ITPK1: variants seen among roughly 807,000 people sequenced by gnomAD.
The protein encoded by ITPK1 is inositol 1,3,4-trisphosphate 5/6-kinase.
ITPK1 carries 21 observed loss-of-function variants against 45.3 expected under a neutral mutation model. That is an observed-to-expected ratio of 0.46 (90% CI 0.33 to 0.67). ITPK1 has a LOEUF of 0.67. Ranked by LOEUF, ITPK1 falls within the 30% of genes least tolerant of loss-of-function variation. ITPK1 has a pLI of 0.02. For missense variants in ITPK1, 474 were observed against 573.5 expected (o/e 0.83, Z 1.77); for synonymous variants, 258 against 253.6 (o/e 1.02, Z -0.16).
chr14:93,010,361 A>G (rs1247019790), intron 4 of ITPK1, among the ~76,000 whole-genome samples: 1 of 152,200 alleles, frequency 6.6e-6, no homozygotes, highest in Non-Finnish European at 1.5e-5. Flanking sequence ...GTTTGATTCA[A>G]TGCAGCTGTG....
chr14:93,106,158 C>A (rs1190148992), intron 2 of ITPK1, among the ~76,000 whole-genome samples: 2 of 152,006 alleles, frequency 1.3e-5, no homozygotes, highest in Admixed American at 1.3e-4. Context: ...AGCTGACCCA[C>A]CCACTACCAC....
chr14:93,070,836 C>T (rs530176692), intron 3 of ITPK1: 1 of 153,954 alleles, frequency 6.5e-6, no homozygotes, highest in Non-Finnish European at 1.5e-5. Flanking sequence ...CTGCATGTTA[C>T]TGCGTCCCAT....
intron 3 of ITPK1, among the ~76,000 whole-genome samples, chr14:93,046,249 C>T (rs1380933528): frequency 6.6e-6 from 1 of 152,226 alleles, no homozygotes; most frequent in Admixed American, 6.5e-5. Flanking sequence ...CACTCACAGA[C>T]ACTTGGCTGA....
chr14:93,088,937 C>T (rs752383346), intron 2 of ITPK1, among the ~76,000 whole-genome samples: 15 of 152,202 alleles, frequency 9.9e-5, no homozygotes, highest in Non-Finnish European at 1.5e-4. Context: ...CACCCAGGCC[C>T]GCTCTCCCCA....
Position 92,941,949 on chromosome 14 carries a change from A to G in ITPK1, c.902-45T>C, listed in dbSNP as rs530223451. ...AGCACAAGGGGCGTGAGCCAGGGGC[A>G]CGCATCATGCAGGGAGGAGGAGGAG... On this transcript the variant is annotated intron_variant, in intron 10 of 10. Transcript: ENST00000267615. 4.8e-5 allele frequency: 75 copies of G among 1,556,568 alleles called. No individual in the cohort carries two copies. The East Asian group carries it at 1.6e-3, about 33-fold the overall frequency.
intron 3 of ITPK1, chr14:93,066,326 GTGTGTGTGTGTGTGTA>G (rs1566766185): frequency 5.7e-5 from 25 of 442,230 alleles, no homozygotes; most frequent in Non-Finnish European, 1.1e-4. Context: ...GTGTATGTGT[GTGTGTGTGTGTGTGTA>G]GGGGGCAGAG....
intron 5 of ITPK1, among the ~76,000 whole-genome samples, chr14:92,963,144 A>AC (rs1309308964): frequency 6.6e-6 from 1 of 152,128 alleles, no homozygotes; most frequent in Non-Finnish European, 1.5e-5. Context: ...TACAACTACT[A>AC]CCCCACCACT....
At chr14:92,986,721 C>T (rs1886501903) in intron 5 of ITPK1, among the ~76,000 whole-genome samples, 1 of 152,094 alleles carries the variant, frequency 6.6e-6, no homozygotes, top group Non-Finnish European at 1.5e-5. Context: ...GGAGCGGGTC[C>T]CTGCCATGGT....
chr14:93,111,131 C>T (rs1892734677), intron 2 of ITPK1, among the ~76,000 whole-genome samples: 2 of 152,144 alleles, frequency 1.3e-5, no homozygotes, highest in South Asian at 2.1e-4. Flanking sequence ...GCAATTATTA[C>T]AGTAAAGACA....
At chr14:93,028,912 C>T (rs1888891190) in intron 3 of ITPK1, among the ~76,000 whole-genome samples, 2 of 152,220 alleles carry the variant, frequency 1.3e-5, no homozygotes, top group African/African-American at 4.8e-5. Context: ...CTCAAGCTGA[C>T]TGAGCTTACG....
chr14:92,998,337 C>G (rs531765996), intron 4 of ITPK1, among the ~76,000 whole-genome samples: 1 of 152,192 alleles, frequency 6.6e-6, no homozygotes, highest in Non-Finnish European at 1.5e-5. Context: ...GCCAGCTGTG[C>G]CCATGGAAGG....
At chr14:93,113,104 CA>C (rs1892814517) in intron 2 of ITPK1, among the ~76,000 whole-genome samples, 1 of 152,224 alleles carries the variant, frequency 6.6e-6, no homozygotes, top group South Asian at 2.1e-4. Flanking sequence ...AGTGAAAACA[CA>C]AAGTGGGCTT....
At position 92,940,292 on chromosome 14, in the gene ITPK1, G is replaced by A; in HGVS notation, c.*1269C>T. ...CAAAAACATACTTGTGGGGGCTGATGCCTCTCACCCAGCACCCCACATCTT... is the reference window on the plus strand; with the variant it reads ...CAAAAACATACTTGTGGGGGCTGATACCTCTCACCCAGCACCCCACATCTT... On this transcript the variant is annotated 3_prime_UTR_variant, in exon 11 of 11. Transcript: ENST00000267615. The A allele has an allele frequency of 4.0e-6, 4 of 988,320 alleles. No individual in the cohort carries two copies. The highest frequency in any genetic ancestry group is 4.8e-6 in the Non-Finnish European group (4 of 831,752). 61.2% of individuals were successfully genotyped at this position (988,320 alleles called of 1,614,324 possible). A position where few individuals can be genotyped will look rare whatever the true frequency, so the allele number is the denominator to read the frequency against.
At chr14:93,072,784 T>C (rs1321710284) in intron 3 of ITPK1, among the ~76,000 whole-genome samples, 3 of 152,156 alleles carry the variant, frequency 2.0e-5, no homozygotes, top group Non-Finnish European at 2.9e-5. Context: ...GTATTTGTGG[T>C]TGGGGGGGAA....
In ITPK1 at chr14:92,941,541, T is replaced by A; in HGVS notation, c.*20A>T. 1 of 1,517,844 alleles carries A rather than the reference T, an allele frequency of 6.6e-7. No homozygotes were observed. Among genetic ancestry groups the A allele is most frequent in the Non-Finnish European group, 8.8e-7 (1 of 1,139,082 alleles). The allele number at this position is 1,517,844 out of a possible 1,614,324, so 94.0% of individuals were successfully genotyped here. A position where few individuals can be genotyped will look rare whatever the true frequency, so the allele number is the denominator to read the frequency against. ...TGTGCTCTGCGCCCTGCGCTGCCCC[T>A]CTGGGTCCCGGCTCCGTGGCTACTG... On this transcript the variant is annotated 3_prime_UTR_variant, in exon 11 of 11. Transcript: ENST00000267615.
intron 2 of ITPK1, among the ~76,000 whole-genome samples, chr14:93,108,815 C>T (rs1021649557): frequency 1.3e-5 from 2 of 152,222 alleles, no homozygotes; most frequent in Admixed American, 1.3e-4. Flanking sequence ...GAGTTCGAAA[C>T]CAACCTGGCC....
chr14:93,001,327 C>T (rs185444821), intron 4 of ITPK1, among the ~76,000 whole-genome samples: 8 of 151,892 alleles, frequency 5.3e-5, no homozygotes, highest in African/African-American at 9.7e-5. Flanking sequence ...AAACAAAAAA[C>T]GGCAAGCACA....
intron 3 of ITPK1, among the ~76,000 whole-genome samples, chr14:93,050,146 G>A (rs1889945522): frequency 6.6e-6 from 1 of 152,184 alleles, no homozygotes; most frequent in African/African-American, 2.4e-5. Flanking sequence ...AAACCATCTG[G>A]CCAGTTGGAG....
chr14:92,966,107 C>T (rs1261369515), intron 5 of ITPK1, among the ~76,000 whole-genome samples: 3 of 152,218 alleles, frequency 2.0e-5, no homozygotes, highest in South Asian at 2.1e-4. Flanking sequence ...CCTCAAACTC[C>T]CAGGCTCAAG....
Sources: gnomAD v4.1 joint callset for allele counts (sites outside exome capture counted in the v4.1 genomes callset) on GRCh38, gnomAD v4.1.1 for gene constraint, MANE v1.5 for transcripts, NCBI Gene and HGNC (gene_info 2026-07-23, HGNC 2026-07-21) for gene names.